The following TNNI3K variants were observed in gnomAD, a reference collection of about 807,000 sequenced individuals.
TNNI3K encodes serine/threonine-protein kinase TNNI3K.
A neutral mutation model predicts 114.5 loss-of-function variants in TNNI3K; 140 were observed. The ratio of observed to expected loss-of-function variants is 1.22; its 90% CI spans 1.07 to 1.41. The LOEUF is 1.41. Among genes scored for constraint, TNNI3K ranks in the 40% most tolerant of loss-of-function variants. The pLI, the probability that TNNI3K is intolerant of heterozygous loss-of-function variation, is 0.00. For missense variants in TNNI3K, 1,125 were observed against 1,007.6 expected (o/e 1.12, Z -1.58); for synonymous variants, 347 against 347.5 (o/e 1.00, Z 0.02).
rs1206095830 is a variant in TNNI3K at position 74,366,384 on chromosome 1, ATTTTTTATCC to A, written c.1178-869_1178-860del. Reference sequence around the variant, plus strand: ...TGCATTACTCAGAGGATCATTTGGCATTTTTTATCCTTCACAATCATAAGCCCCTAGTGTA... The same window carrying A: ...TGCATTACTCAGAGGATCATTTGGCATTCACAATCATAAGCCCCTAGTGTA... On this transcript the variant is annotated intron_variant, in intron 11 of 24. Coordinates refer to ENST00000326637, the MANE Select transcript of TNNI3K (RefSeq NM_015978.3). Among the ~76,000 whole-genome samples the A allele has an allele frequency of 3.3e-5, 5 of 151,980 alleles. No homozygotes were observed. In the East Asian group the frequency reaches 9.7e-4, roughly 29 times the overall value.
At chr1:74,404,736 T>TAA (rs1664533104) in intron 17 of TNNI3K, among the ~76,000 whole-genome samples, 1 of 152,202 alleles carries the variant, frequency 6.6e-6, no homozygotes, top group Non-Finnish European at 1.5e-5. Flanking sequence ...TTCTCTATGC[T>TAA]TCATCCTCTT....
chr1:74,352,507 A>T (rs1384673729), intron 9 of TNNI3K, among the ~76,000 whole-genome samples: 1 of 152,210 alleles, frequency 6.6e-6, no homozygotes, highest in African/African-American at 2.4e-5. Context: ...TCAGACAGGG[A>T]CATTTAAGTC....
At chr1:74,268,002 T>A (rs74093618) in intron 4 of TNNI3K, among the ~76,000 whole-genome samples, 4,457 of 152,044 alleles carry the variant, frequency 0.029, 201 homozygotes, top group African/African-American at 0.1. Flanking sequence ...ACAGTGCTTG[T>A]CATAAAATAG....
chr1:74,508,898 AG>A (rs1287022719), intron 23 of TNNI3K, among the ~76,000 whole-genome samples: 1 of 152,188 alleles, frequency 6.6e-6, no homozygotes, highest in Non-Finnish European at 1.5e-5. Context: ...TGGTTTTTAC[AG>A]GGTCTGCAGA....
intron 17 of TNNI3K, chr1:74,416,411 A>C: frequency 2.1e-6 from 2 of 966,126 alleles, no homozygotes; most frequent in Non-Finnish European, 2.5e-6. Context: ...ACTGAAAAGA[A>C]GTCTTTGTTA....
intron 23 of TNNI3K, among the ~76,000 whole-genome samples, chr1:74,533,821 C>T (rs991301726): frequency 2.0e-5 from 3 of 152,078 alleles, no homozygotes; most frequent in African/African-American, 7.2e-5. Flanking sequence ...GACAAAAAAC[C>T]AAACACCGCA....
chr1:74,530,423 T>A (rs1160783476), intron 23 of TNNI3K, among the ~76,000 whole-genome samples: 1 of 152,160 alleles, frequency 6.6e-6, no homozygotes, highest in Non-Finnish European at 1.5e-5. Context: ...AATGAGTTGT[T>A]AGGTGGGGCA....
chr1:74,307,313 C>T (rs560546892), intron 5 of TNNI3K, among the ~76,000 whole-genome samples: 98 of 152,246 alleles, frequency 6.4e-4, no homozygotes, highest in Middle Eastern at 6.8e-3. Flanking sequence ...AATTGCTTCT[C>T]TTAAAAGACA....
chr1:74,405,572 A>G (rs1664575182), intron 17 of TNNI3K, among the ~76,000 whole-genome samples: 1 of 152,212 alleles, frequency 6.6e-6, no homozygotes, highest in African/African-American at 2.4e-5. Context: ...AGCACTTAAA[A>G]GACTTCATGA....
chr1:74,414,493 T>C (rs1665028163), intron 17 of TNNI3K, among the ~76,000 whole-genome samples: 2 of 152,196 alleles, frequency 1.3e-5, no homozygotes, highest in South Asian at 2.1e-4. Flanking sequence ...GCCTTTTAAA[T>C]TGTTGTGCTT....
At chr1:74,432,363 T>C (rs1252867801) in intron 17 of TNNI3K, among the ~76,000 whole-genome samples, 1 of 152,118 alleles carries the variant, frequency 6.6e-6, no homozygotes, top group Admixed American at 6.6e-5. Context: ...CAAGATTTTA[T>C]AGAAGAGCAA....
At chr1:74,245,921 A>G (rs1654524788) in intron 2 of TNNI3K, among the ~76,000 whole-genome samples, 1 of 152,216 alleles carries the variant, frequency 6.6e-6, no homozygotes, top group South Asian at 2.1e-4. Flanking sequence ...TGGGAAACAC[A>G]CCTCAACTTG....
At chr1:74,350,249 C>T (rs1661263976) in intron 9 of TNNI3K, among the ~76,000 whole-genome samples, 2 of 152,274 alleles carry the variant, frequency 1.3e-5, no homozygotes, top group South Asian at 2.1e-4. Context: ...CATTCAGGAG[C>T]AGGTTGTTCA....
At chr1:74,318,574 C>T (rs182189772) in intron 5 of TNNI3K, among the ~76,000 whole-genome samples, 1 of 151,660 alleles carries the variant, frequency 6.6e-6, no homozygotes, top group Non-Finnish European at 1.5e-5. Flanking sequence ...TGATCCTCCC[C>T]TGTTTGCTTA....
chr1:74,483,877 A>G (rs1259786821), intron 21 of TNNI3K, among the ~76,000 whole-genome samples: 1 of 152,182 alleles, frequency 6.6e-6, no homozygotes, highest in Non-Finnish European at 1.5e-5. Flanking sequence ...CTTACTCCTT[A>G]TAGATTTAAA....
Position 74,463,465 on chromosome 1 carries a change from A to ACCACCACAT in TNNI3K, c.2038_2046dup (p.His680_Ile682dup), listed in dbSNP as rs1667537186. On this transcript the variant is annotated inframe_insertion, in exon 21 of 25. Coordinates refer to ENST00000326637, the MANE Select transcript of TNNI3K (RefSeq NM_015978.3). The stretch of plus-strand genomic sequence containing the variant: ...GCGGCTGCGGCAGCAGACATGGCTT[A>ACCACCACAT]CCACCACATCAGACCTCCCATTGGC... 4 of 1,614,212 alleles carry ACCACCACAT rather than the reference A, an allele frequency of 2.5e-6. No individual in the cohort carries two copies. The highest frequency in any genetic ancestry group is 1.6e-4 in the Middle Eastern group (1 of 6,062).
At chr1:74,417,682 TTGTGTGTGTGTG>T (rs10529693) in intron 17 of TNNI3K, among the ~76,000 whole-genome samples, 16,973 of 136,984 alleles carry the variant, frequency 0.12, 832 homozygotes, top group African/African-American at 0.16. Context: ...GTGTACGTGT[TTGTGTGTGTGTG>T]TGTGTGTGTG....
At chr1:74,417,348 G>GT (rs1570595088) in intron 17 of TNNI3K, among the ~76,000 whole-genome samples, 1 of 152,206 alleles carries the variant, frequency 6.6e-6, no homozygotes, top group East Asian at 1.9e-4. Flanking sequence ...GCTGTGCACA[G>GT]TAGGTGTACT....
At chr1:74,488,914 A>G (rs1169080429) in intron 21 of TNNI3K, among the ~76,000 whole-genome samples, 1 of 152,216 alleles carries the variant, frequency 6.6e-6, no homozygotes, top group Non-Finnish European at 1.5e-5. Context: ...TGCCATTTAA[A>G]AACATGCAAA....
Sources: gnomAD v4.1 joint callset for allele counts (sites outside exome capture counted in the v4.1 genomes callset) on GRCh38, gnomAD v4.1.1 for gene constraint, MANE v1.5 for transcripts, NCBI Gene and HGNC (gene_info 2026-07-23, HGNC 2026-07-21) for gene names.